Variants in SI observed in about 807,000 individuals in gnomAD.
The protein encoded by SI is sucrase-isomaltase.
A neutral mutation model predicts 253.3 loss-of-function variants in SI; 235 were observed. The ratio of observed to expected loss-of-function variants is 0.93; its 90% CI spans 0.83 to 1.03. The LOEUF (loss-of-function observed/expected upper bound fraction) is 1.03, where lower values mean the gene tolerates loss of function less well. SI is among the 50% of genes least tolerant of loss of function. SI has a pLI of 0.00. For synonymous variants in SI, 819 were observed against 712.0 expected, an observed-to-expected ratio of 1.15 and a Z score of -2.39; for missense variants, 2,442 against 2,211.1, an observed-to-expected ratio of 1.10 and a Z score of -2.09.
intron 9 of SI, among the ~76,000 whole-genome samples, chr3:165,060,729 T>G (rs886353494): frequency 7.9e-6 from 1 of 126,184 alleles, no homozygotes; most frequent in African/African-American, 2.6e-5. Context: ...GTAACTGGTG[T>G]TTTTTTTTTC....
At position 165,077,784 on chromosome 3, in the gene SI, T is replaced by TA. The variant is rs1482484353; in HGVS notation, c.-1+648dup. 2.0e-5 allele frequency among the ~76,000 whole-genome samples: 3 copies of TA among 151,726 alleles called. No homozygotes were observed. The East Asian group carries it at 5.8e-4, about 29-fold the overall frequency. On this transcript the variant is annotated intron_variant, in intron 1 of 47. Coordinates refer to ENST00000264382, the MANE Select transcript of SI (RefSeq NM_001041.4). Reference sequence around the variant, plus strand: ...CTTTCCTTTTTGATAAGGGAAGTCTTAAAAAATGCATTTTTGTCATGAAAC... The same window carrying TA: ...CTTTCCTTTTTGATAAGGGAAGTCTTAAAAAAATGCATTTTTGTCATGAAAC...
rs1719090045 is a variant in SI at position 165,017,413 on chromosome 3, T to A, written c.3759+135A>T. On this transcript the variant is annotated intron_variant, in intron 31 of 47. Coordinates refer to ENST00000264382, the MANE Select transcript of SI (RefSeq NM_001041.4). ...AAAGACACTGTTTATAAATCTCATATCCAATACATAAGGTGCCAGTAAAAA... is the reference window on the plus strand; with the variant it reads ...AAAGACACTGTTTATAAATCTCATAACCAATACATAAGGTGCCAGTAAAAA... 4.7e-5 allele frequency: 34 copies of A among 730,804 alleles called. No individual in the cohort carries two copies. In the South Asian group the frequency reaches 5.3e-4, roughly 11 times the overall value. The allele number at this position is 730,804 out of a possible 1,614,324, so 45.3% of individuals were successfully genotyped here.
At chr3:165,051,902 G>A (rs1285622970) in intron 13 of SI, among the ~76,000 whole-genome samples, 1 of 151,782 alleles carries the variant, frequency 6.6e-6, no homozygotes, top group East Asian at 1.9e-4. Flanking sequence ...TTTATTGTAT[G>A]ACCATTTCAA....
At chr3:165,023,944 C>T (rs1711766556) in intron 25 of SI, among the ~76,000 whole-genome samples, 168 bp from the exon 26 acceptor site, 1 of 151,080 alleles carries the variant, frequency 6.6e-6, no homozygotes, top group African/African-American at 2.4e-5. Context: ...ATTTGGGATC[C>T]CATGTACTAA....
At position 165,041,012 on chromosome 3, in the gene SI, A is replaced by G; in HGVS notation, c.2087T>C (p.Leu696Ser). The change falls in exon 18 of 48, where the codon TTA (leucine) becomes TCA (serine). Residue 696 changes from leucine to serine, a missense_variant. Leu to Ser is a moderately radical substitution (Grantham distance 145, BLOSUM62 -2). Transcript: ENST00000264382. ...ATAAAACAGAGTGTAGAGGAAGGGT[A>G]ATAAGGTGTAGCGAATAGTTAAATA... The part of the protein sequence containing the change: ...RQYLTIRYTL[L>S]PFLYTLFYKA... 1 of 1,612,504 alleles carries G rather than the reference A, an allele frequency of 6.2e-7. No individual in the cohort carries two copies. The highest frequency in any genetic ancestry group is 8.5e-7 in the Non-Finnish European group (1 of 1,178,888).
the SI span, among the ~76,000 whole-genome samples, chr3:165,088,436 A>T: frequency 6.6e-6 from 1 of 152,000 alleles, no homozygotes; most frequent in Non-Finnish European, 1.5e-5. Context: ...TGAGGTCAGG[A>T]GTTCGAGACC....
chr3:164,981,753 T>G (rs1017515736), intron 47 of SI, among the ~76,000 whole-genome samples: 4 of 152,152 alleles, frequency 2.6e-5, no homozygotes, highest in African/African-American at 9.6e-5. Flanking sequence ...AAATTTTTTG[T>G]TCAAAGTAAA....
chr3:164,989,324 G>A (rs1451353381), intron 44 of SI, among the ~76,000 whole-genome samples: 1 of 146,126 alleles, frequency 6.8e-6, no homozygotes, highest in African/African-American at 2.6e-5. Flanking sequence ...GAGCAACAGA[G>A]CAAGACTCTG....
intron 32 of SI, among the ~76,000 whole-genome samples, chr3:165,015,493 A>G (rs953895253): frequency 1.3e-5 from 2 of 152,090 alleles, no homozygotes; most frequent in Non-Finnish European, 2.9e-5. Flanking sequence ...TTTTATTTCT[A>G]TGGTGAGATA....
At position 165,036,488 on chromosome 3, in the gene SI, A is replaced by T. The variant is rs1560000611; in HGVS notation, c.2427-11T>A. On this transcript the variant is annotated splice_polypyrimidine_tract_variant and intron_variant, in intron 21 of 47. Coordinates refer to ENST00000264382, the MANE Select transcript of SI (RefSeq NM_001041.4). The stretch of plus-strand genomic sequence containing the variant: ...AGAGGATTCTTACGGCTGTTAAGAA[A>T]AATTAGGTGCATATATGGTTAAAAA... The T allele has an allele frequency of 6.3e-7, 1 of 1,578,516 alleles. No homozygotes were observed. The highest frequency in any genetic ancestry group is 1.1e-5 in the South Asian group (1 of 90,390).
chr3:165,042,797 C>T (rs1016503800), intron 17 of SI, among the ~76,000 whole-genome samples: 6 of 152,020 alleles, frequency 3.9e-5, no homozygotes, highest in African/African-American at 1.2e-4. Flanking sequence ...ACTTAATATA[C>T]TTGTACAGTT....
chr3:165,084,340 C>T, the SI span, among the ~76,000 whole-genome samples: 1 of 151,904 alleles, frequency 6.6e-6, no homozygotes, highest in African/African-American at 2.4e-5. Context: ...GTTACAGAAA[C>T]CCAGACAGAC....
chr3:164,983,406 C>T (rs574681900), intron 45 of SI, among the ~76,000 whole-genome samples: 25 of 152,136 alleles, frequency 1.6e-4, no homozygotes, highest in Admixed American at 1.0e-3. Flanking sequence ...TGATAGCAAT[C>T]GACACTTACT....
At chr3:165,069,723 G>A (rs1347006614) in intron 3 of SI, among the ~76,000 whole-genome samples, 1 of 151,836 alleles carries the variant, frequency 6.6e-6, no homozygotes, top group Non-Finnish European at 1.5e-5. Flanking sequence ...TGCTGCAATA[G>A]CATTCAATTA....
chr3:164,998,600 C>A lies in SI; in HGVS notation c.4480G>T (p.Gly1494Ter), dbSNP rs1311698904. Residue 1494 changes from glycine to a stop codon, truncating the protein, a stop_gained, in exon 38 of 48, where the codon GGA (glycine) becomes TGA (stop). Coordinates refer to ENST00000264382, the MANE Select transcript of SI (RefSeq NM_001041.4). LOFTEE classifies it high-confidence loss of function. ...TAGTTGTCTCCAAGCCAGTGTCCTC[C>A]CCATCGTCCACTAGTAGGATACGTG... ...RSTYPTSGRW[G>*]GHWLGDNYAR... 1 of 1,612,052 alleles carries A rather than the reference C, an allele frequency of 6.2e-7. No homozygotes were observed.
intron 17 of SI, among the ~76,000 whole-genome samples, chr3:165,042,683 G>A (rs1175956338): frequency 2.6e-5 from 4 of 152,044 alleles, no homozygotes; most frequent in Admixed American, 2.6e-4. Context: ...ATCCATGACA[G>A]TATATTATAA....
At chr3:165,037,850 T>C (rs773250405) in intron 21 of SI, 50 bp downstream of exon 21, 9 of 1,284,890 alleles carry the variant, frequency 7.0e-6, no homozygotes, top group African/African-American at 5.9e-5. Context: ...ATATGAAATA[T>C]TAAGATTTGA....
At chr3:165,077,808 A>T (rs1425858519) in intron 1 of SI, among the ~76,000 whole-genome samples, 1 of 151,654 alleles carries the variant, frequency 6.6e-6, no homozygotes. Context: ...TTGTCATGAA[A>T]CAAACTCTCC....
intron 45 of SI, among the ~76,000 whole-genome samples, chr3:164,983,791 C>T (rs1032754405): frequency 6.6e-6 from 1 of 151,830 alleles, no homozygotes; most frequent in Non-Finnish European, 1.5e-5. Flanking sequence ...CAGGTTCTCC[C>T]TATGTTGCCC....
Sources: gnomAD v4.1 joint callset for allele counts (sites outside exome capture counted in the v4.1 genomes callset) on GRCh38, gnomAD v4.1.1 for gene constraint, MANE v1.5 for transcripts, NCBI Gene and HGNC (gene_info 2026-07-23, HGNC 2026-07-21) for gene names.